The following ESF1 variants were observed in gnomAD, a reference collection of about 807,000 sequenced individuals.
ESF1 encodes ESF1 nucleolar pre-rRNA processing protein.
Under a neutral mutation model 92.0 loss-of-function variants are expected in ESF1, and 58 were observed. The ratio of observed to expected loss-of-function variants is 0.63; its 90% CI spans 0.51 to 0.78. The LOEUF is 0.78. Among genes scored for constraint, ESF1 ranks in the 30% least tolerant of loss-of-function variants. The pLI is 0.00. For synonymous variants in ESF1, 321 were observed against 313.7 expected (o/e 1.02, Z -0.24); for missense variants, 922 against 989.1 (o/e 0.93, Z 0.91).
chr20:13,771,300 G>C (rs1332840843), intron 6 of ESF1, 31 bp downstream of exon 6: 1 of 1,567,916 alleles, frequency 6.4e-7, no homozygotes, highest in East Asian at 2.2e-5. Context: ...TGTACTAAAA[G>C]ATTAAATTGG....
chr20:13,718,356 C>G (rs920472669), intron 12 of ESF1, among the ~76,000 whole-genome samples: 1 of 152,194 alleles, frequency 6.6e-6, no homozygotes, highest in Admixed American at 6.5e-5. Context: ...GCCTTCAATT[C>G]CTGCCTCAGC....
intron 11 of ESF1, among the ~76,000 whole-genome samples, chr20:13,722,706 G>C (rs1172411930): frequency 6.6e-6 from 1 of 150,936 alleles, no homozygotes; most frequent in Non-Finnish European, 1.5e-5. Flanking sequence ...TTTTAAATTA[G>C]CCAGGCATGG....
intron 1 of ESF1, among the ~76,000 whole-genome samples, 163 bp from the exon 2 acceptor site, chr20:13,783,346 A>G (rs576758758): frequency 6.6e-6 from 1 of 152,234 alleles, no homozygotes; most frequent in African/African-American, 2.4e-5. Context: ...ATTCTGGGTC[A>G]CATGCAAAAA....
intron 7 of ESF1, 34 bp downstream of exon 7, chr20:13,769,873 G>T: frequency 7.7e-7 from 1 of 1,297,460 alleles, no homozygotes; most frequent in Non-Finnish European, 1.1e-6. Context: ...AAGCAATAGA[G>T]TCCAGCTACA....
intron 9 of ESF1, among the ~76,000 whole-genome samples, chr20:13,744,676 C>T (rs1048358215): frequency 1.3e-5 from 2 of 152,228 alleles, no homozygotes; most frequent in Non-Finnish European, 2.9e-5. Flanking sequence ...GTTGTTTCCT[C>T]TCCCTGAAAT....
Position 13,776,055 on chromosome 20 carries a change from C to A in ESF1, c.853G>T (p.Asp285Tyr), listed in dbSNP as rs1979921376. 1 of 1,613,132 alleles carries A rather than the reference C, an allele frequency of 6.2e-7. No homozygotes were observed. The highest frequency in any genetic ancestry group is 1.7e-5 in the Admixed American group (1 of 59,972). The change falls in exon 3 of 14, where the codon GAT becomes TAT. Residue 285 changes from aspartate (D) to tyrosine (Y), a missense_variant. By Grantham distance (160) the Asp-to-Tyr change is radical (BLOSUM62 -3). Coordinates refer to ENST00000617257, the MANE Select transcript of ESF1 (RefSeq NM_001276380.2). ...TCATCCTCACTATCCTCATCTTCATCCTCCTCTTCATCTTCATCCTCCTCT... is the reference window on the plus strand; with the variant it reads ...TCATCCTCACTATCCTCATCTTCATACTCCTCTTCATCTTCATCCTCCTCT... Reference protein sequence around the residue: ...DEEEDEDEEEDEDEDSEDDDK... With the variant: ...DEEEDEDEEEYEDEDSEDDDK...
rs1458027408 is a variant in ESF1, at chr20:13,717,360, A to G, written c.2262+8T>C. ...CTTTAAGAGGCTATGCCTGGTGTCT[A>G]TGGTTACCTCAAAGTCATCCTCTAT... On this transcript the variant is annotated splice_region_variant and intron_variant, in intron 13 of 13. Transcript: ENST00000617257. 2 of 1,613,572 alleles carry G rather than the reference A, an allele frequency of 1.2e-6. No individual in the cohort carries two copies. The highest frequency in any genetic ancestry group is 8.5e-7 in the Non-Finnish European group (1 of 1,179,844).
At chr20:13,752,823 C>T (rs1978700862) in intron 9 of ESF1, among the ~76,000 whole-genome samples, 1 of 152,138 alleles carries the variant, frequency 6.6e-6, no homozygotes, top group African/African-American at 2.4e-5. Context: ...GAAATTACAA[C>T]TGTGAAGAGT....
At position 13,769,995 on chromosome 20, in the gene ESF1, T is replaced by C; in HGVS notation, c.1430A>G (p.Asp477Gly). Residue 477 changes from aspartate (D) to glycine (G), a missense_variant, in exon 7 of 14, where the codon GAT becomes GGT. Asp to Gly is a moderately conservative substitution (Grantham distance 94). Coordinates refer to ENST00000617257, the MANE Select transcript of ESF1 (RefSeq NM_001276380.2). The part of the protein sequence containing the change: ...LRFIPDDITF[D>G]DEPKDVASEV... Reference sequence around the variant, plus strand: ...TGAGGCTACATCCTTAGGCTCATCATCAAAAGTAATATCATCTGGTATAAA... The same window carrying C: ...TGAGGCTACATCCTTAGGCTCATCACCAAAAGTAATATCATCTGGTATAAA... 6.2e-7 allele frequency: 1 copy of C among 1,609,566 alleles called. No homozygotes were observed.
At chr20:13,755,266 C>A (rs1315188616) in intron 9 of ESF1, among the ~76,000 whole-genome samples, 1 of 152,094 alleles carries the variant, frequency 6.6e-6, no homozygotes, top group Non-Finnish European at 1.5e-5. Context: ...CCAGAGATAG[C>A]TAAGAAAAAC....
intron 10 of ESF1, among the ~76,000 whole-genome samples, chr20:13,728,746 A>T (rs1486296767): frequency 6.6e-6 from 1 of 151,966 alleles, no homozygotes; most frequent in African/African-American, 2.4e-5. Flanking sequence ...GCATGCCTGT[A>T]GTCCCAGCTC....
At chr20:13,761,142 C>T (rs191208211) in intron 8 of ESF1, among the ~76,000 whole-genome samples, 3 of 151,914 alleles carry the variant, frequency 2.0e-5, no homozygotes, top group South Asian at 4.2e-4. Flanking sequence ...GGATTAAAGG[C>T]GGTGTAAGAT....
At chr20:13,767,134 TCTG>T (rs1172764491) in intron 7 of ESF1, among the ~76,000 whole-genome samples, 1 of 152,212 alleles carries the variant, frequency 6.6e-6, no homozygotes, top group Non-Finnish European at 1.5e-5. Flanking sequence ...CTCCCAATTC[TCTG>T]CTATCTACAG....
chr20:13,782,353 C>T (rs751732683), intron 2 of ESF1, 151 bp downstream of exon 2: 2 of 627,552 alleles, frequency 3.2e-6, no homozygotes, highest in Non-Finnish European at 4.9e-6. Flanking sequence ...ATAATCACTG[C>T]ATATTTCTTT....
At position 13,736,907 on chromosome 20, in the gene ESF1, C is replaced by T. The variant is rs181527300; in HGVS notation, c.1829-3065G>A. Among the ~76,000 whole-genome samples, 5 of 152,256 alleles carry T rather than the reference C, an allele frequency of 3.3e-5. No homozygotes were observed. The East Asian group carries it at 9.6e-4, about 29-fold the overall frequency. The stretch of plus-strand genomic sequence containing the variant: ...CACCCAAATAGCAGCATAAGAAACA[C>T]ATTGCAATGAATTCACACACCACCA... On this transcript the variant is annotated intron_variant, in intron 9 of 13. Transcript: ENST00000617257.
Position 13,717,480 on chromosome 20 carries a change from T to C in ESF1, c.2150A>G (p.Glu717Gly), listed in dbSNP as rs2147714525. The C allele has an allele frequency of 1.9e-6, 3 of 1,613,928 alleles. 1 individual carries two copies. Among genetic ancestry groups the C allele is most frequent in the African/African-American group, 2.7e-5 (2 of 75,032 alleles). ...GTAATTGAAGTGTTTCTTACTGTCC[T>C]CGTCCTCATCCATCATAAGCAAAGC... ...EMALLMMDEDEDSKKHFNYNK... is the reference protein window; with the variant it reads ...EMALLMMDEDGDSKKHFNYNK... The change falls in exon 13 of 14, where the codon GAG becomes GGG. Residue 717 changes from glutamate (E) to glycine (G), a missense_variant. Coordinates refer to ENST00000617257, the MANE Select transcript of ESF1 (RefSeq NM_001276380.2).
At chr20:13,750,244 C>T (rs1978568305) in intron 9 of ESF1, among the ~76,000 whole-genome samples, 1 of 152,204 alleles carries the variant, frequency 6.6e-6, no homozygotes, top group Non-Finnish European at 1.5e-5. Context: ...GTGGCTCACG[C>T]CTGTAATCCC....
At chr20:13,749,730 T>G (rs1226883213) in intron 9 of ESF1, among the ~76,000 whole-genome samples, 1 of 151,798 alleles carries the variant, frequency 6.6e-6, no homozygotes, top group Non-Finnish European at 1.5e-5. Context: ...CATGCCTGGC[T>G]AATTTTTTGT....
intron 8 of ESF1, among the ~76,000 whole-genome samples, chr20:13,765,538 G>T (rs1482187200): frequency 2.0e-5 from 3 of 152,144 alleles, no homozygotes; most frequent in African/African-American, 7.2e-5. Flanking sequence ...AAAGTCAATT[G>T]TGGTTTTAGC....
Sources: gnomAD v4.1 joint callset for allele counts (sites outside exome capture counted in the v4.1 genomes callset) on GRCh38, gnomAD v4.1.1 for gene constraint, MANE v1.5 for transcripts, NCBI Gene and HGNC (gene_info 2026-07-23, HGNC 2026-07-21) for gene names.